The following CDC23 variants were observed in gnomAD, a reference collection of about 807,000 sequenced individuals.
CDC23 encodes the protein cell division cycle 23.
CDC23 carries 26 observed loss-of-function variants against 81.7 expected under a neutral mutation model. The ratio of observed to expected loss-of-function variants is 0.32; its 90% CI spans 0.23 to 0.44. The LOEUF is 0.44. CDC23 is among the 20% of genes least tolerant of loss of function. CDC23 has a pLI of 1.00. For missense variants in CDC23, 519 were observed against 728.0 expected (o/e 0.71, Z 3.30); for synonymous variants, 267 against 270.8 (o/e 0.99, Z 0.14).
At chr5:138,196,035 C>T (rs1393139755) in intron 9 of CDC23, among the ~76,000 whole-genome samples, 1 of 150,766 alleles carries the variant, frequency 6.6e-6, no homozygotes, top group Non-Finnish European at 1.5e-5. Flanking sequence ...ATCCTTCTTT[C>T]TCCTTTTCAC....
chr5:138,197,213 G>A (rs1205168103), intron 9 of CDC23, among the ~76,000 whole-genome samples: 1 of 146,514 alleles, frequency 6.8e-6, no homozygotes, highest in African/African-American at 2.7e-5. Context: ...GGCTGAGGCA[G>A]GAGAATGGTG....
At chr5:138,201,262 A>G (rs1754986220) in intron 5 of CDC23, 23 bp from the exon 6 acceptor site, 1 of 1,613,756 alleles carries the variant, frequency 6.2e-7, no homozygotes, top group Non-Finnish European at 8.5e-7. Context: ...AGAAACAATC[A>G]CAGAAGTTAA....
Position 138,188,888 on chromosome 5 carries a change from GA to G in CDC23, c.*89del, listed in dbSNP as rs1754788548. 4.5e-5 allele frequency: 58 copies of G among 1,279,512 alleles called. No individual in the cohort carries two copies. In the South Asian group the frequency reaches 7.8e-4, roughly 17 times the overall value. 79.3% of individuals were successfully genotyped at this position (1,279,512 alleles called of 1,614,324 possible). ...GCCATCTGTAGAAACAAGAAGAGCT[GA>G]GGTCCTTGGAACAGACGTGCTGTTC... On this transcript the variant is annotated 3_prime_UTR_variant, in exon 16 of 16. Transcript: ENST00000394886.
chr5:138,200,138 G>A (rs946200596), intron 6 of CDC23, among the ~76,000 whole-genome samples: 2 of 152,102 alleles, frequency 1.3e-5, no homozygotes, highest in Non-Finnish European at 2.9e-5. Context: ...TTGTTTGTTT[G>A]TTTGTTTGTT....
At chr5:138,207,886 G>A (rs554973147) in intron 2 of CDC23, among the ~76,000 whole-genome samples, 18 of 151,572 alleles carry the variant, frequency 1.2e-4, no homozygotes, top group South Asian at 8.3e-4. Context: ...CCAAGATCGC[G>A]CCACATCACT....
In CDC23 at chr5:138,192,252, C is replaced by T. The variant is rs1293581614; in HGVS notation, c.1286+17G>A. On this transcript the variant is annotated intron_variant, in intron 11 of 15. Transcript: ENST00000394886. The stretch of plus-strand genomic sequence containing the variant: ...GCCCTTCCCATATCAGACGCATTGT[C>T]AAGTGACCAGGCTTACCGAAGCTGG... 2 of 1,613,902 alleles carry T rather than the reference C, an allele frequency of 1.2e-6. No individual in the cohort carries two copies. The highest frequency in any genetic ancestry group is 1.7e-6 in the Non-Finnish European group (2 of 1,179,964).
intron 9 of CDC23, among the ~76,000 whole-genome samples, chr5:138,195,700 C>CATATATACACATAATATATATGTAT: frequency 1.1e-5 from 1 of 94,744 alleles, no homozygotes; most frequent in Non-Finnish European, 2.0e-5. Context: ...AATATATATG[C>CATATATACACATAATATATATGTAT]ATATATACAT....
chr5:138,202,074 T>G, intron 4 of CDC23, 39 bp downstream of exon 4: 1 of 1,538,234 alleles, frequency 6.5e-7, no homozygotes, highest in South Asian at 1.1e-5. Flanking sequence ...TTTGCAACCC[T>G]GCTTTTTAGG....
chr5:138,200,762 G>A (rs150189983), intron 6 of CDC23, among the ~76,000 whole-genome samples: 13 of 152,300 alleles, frequency 8.5e-5, no homozygotes, highest in East Asian at 1.9e-4. Flanking sequence ...AGAGGTTGCC[G>A]TGAGCCAAGA....
At chr5:138,200,125 T>C (rs1489219298) in intron 6 of CDC23, among the ~76,000 whole-genome samples, 1 of 150,674 alleles carries the variant, frequency 6.6e-6, no homozygotes, top group East Asian at 2.0e-4. Context: ...AACAATTTTT[T>C]GTTTGTTTGT....
At chr5:138,203,552 T>C (rs577829420) in intron 3 of CDC23, among the ~76,000 whole-genome samples, 2 of 152,212 alleles carry the variant, frequency 1.3e-5, no homozygotes, top group East Asian at 3.9e-4. Context: ...TAAAGAGACA[T>C]GACAACTGAT....
chr5:138,196,073 G>A (rs1754901542), intron 9 of CDC23, among the ~76,000 whole-genome samples: 1 of 150,796 alleles, frequency 6.6e-6, no homozygotes, highest in African/African-American at 2.4e-5. Context: ...TAATATGAAA[G>A]CTAGCGTATT....
At chr5:138,212,953 G>A in intron 2 of CDC23, 38 bp downstream of exon 2, 5 of 1,570,194 alleles carry the variant, frequency 3.2e-6, no homozygotes, top group Non-Finnish European at 4.4e-6. Context: ...GCACACCCCT[G>A]GGTTGATGGG....
intron 14 of CDC23, 25 bp from the exon 15 acceptor site, chr5:138,189,777 G>A: frequency 6.2e-7 from 1 of 1,613,294 alleles, no homozygotes; most frequent in Non-Finnish European, 8.5e-7. Context: ...CAAAATTACT[G>A]AGGTGACAGT....
At chr5:138,195,058 T>C (rs17234884) in intron 9 of CDC23, among the ~76,000 whole-genome samples, 51 of 151,922 alleles carry the variant, frequency 3.4e-4, no homozygotes, top group Non-Finnish European at 6.2e-4. Context: ...CTAAGCTATA[T>C]TTTTTTTAAA....
intron 6 of CDC23, among the ~76,000 whole-genome samples, chr5:138,199,241 A>G (rs1044216992): frequency 5.9e-5 from 9 of 152,202 alleles, no homozygotes; most frequent in African/African-American, 2.2e-4. Flanking sequence ...ATGGGATACA[A>G]TAGGGAACCA....
rs1198554467 is a variant in CDC23, at chr5:138,188,381, T to G, written c.*597A>C. 1 of 152,144 alleles carries G rather than the reference T, an allele frequency of 6.6e-6. No homozygotes were observed. Among genetic ancestry groups the G allele is most frequent in the Non-Finnish European group, 1.5e-5 (1 of 68,040 alleles). The allele number at this position is 152,144 out of a possible 1,614,324, so 9.4% of individuals were successfully genotyped here. ...TCAACTCTAGTTGAATAAAGTTACTTCCAATTTGAAAGCTTTAGAAGACCC... is the reference window on the plus strand; with the variant it reads ...TCAACTCTAGTTGAATAAAGTTACTGCCAATTTGAAAGCTTTAGAAGACCC... On this transcript the variant is annotated 3_prime_UTR_variant, in exon 16 of 16. Coordinates refer to ENST00000394886, the MANE Select transcript of CDC23 (RefSeq NM_004661.4).
At chr5:138,189,183 T>G in intron 15 of CDC23, 35 bp from the exon 16 acceptor site, 1 of 1,594,002 alleles carries the variant, frequency 6.3e-7, no homozygotes, top group Non-Finnish European at 8.6e-7. Context: ...TCAAAACATG[T>G]CCAAAGCTAG....
intron 13 of CDC23, 26 bp downstream of exon 13, chr5:138,191,448 A>G (rs370700895): frequency 2.5e-5 from 40 of 1,607,424 alleles, no homozygotes; most frequent in Non-Finnish European, 3.1e-5. Flanking sequence ...CAGAAATATC[A>G]ATAGCATTTC....
Sources: gnomAD v4.1 joint callset for allele counts (sites outside exome capture counted in the v4.1 genomes callset) on GRCh38, gnomAD v4.1.1 for gene constraint, MANE v1.5 for transcripts, NCBI Gene and HGNC (gene_info 2026-07-23, HGNC 2026-07-21) for gene names.